Variants in AKR1B15 observed in about 807,000 individuals in gnomAD.
AKR1B15 encodes aldo-keto reductase family 1 member B15.
Under a neutral mutation model 38.5 loss-of-function variants are expected in AKR1B15, and 49 were observed. The observed-to-expected ratio is 1.27, with a 90% CI of 1.01 to 1.62. AKR1B15 has a LOEUF of 1.62. AKR1B15 is among the 40% of genes most tolerant of loss of function. AKR1B15 has a pLI of 0.00. For missense variants in AKR1B15, 411 were observed against 381.6 expected (o/e 1.08, Z -0.64); for synonymous variants, 137 against 135.5 (o/e 1.01, Z -0.08).
intron 5 of AKR1B15, chr7:134,569,898 G>A (rs1232503780): frequency 4.8e-6 from 1 of 209,736 alleles, no homozygotes; most frequent in African/African-American, 2.3e-5. Context: ...GAGCATGTGT[G>A]TTTGAACAAT....
At chr7:134,568,379 CT>C in intron 4 of AKR1B15, 54 bp downstream of exon 4, 1 of 1,601,130 alleles carries the variant, frequency 6.2e-7, no homozygotes, top group East Asian at 2.2e-5. Flanking sequence ...GCAGAAGTAT[CT>C]GGATCGGGTG....
Position 134,575,487 on chromosome 7 carries a change from A to G in AKR1B15, c.581A>G (p.Gln194Arg). The change falls in exon 7 of 12, where the codon CAG becomes CGG. Residue 194 changes from glutamine to arginine, a missense_variant. Physicochemically the swap from Gln to Arg is conservative, Grantham distance 43. Coordinates refer to ENST00000457545, the MANE Select transcript of AKR1B15 (RefSeq NM_001080538.3). ...ALGVSNFNHF[Q>R]IERLLNKPGL... is the part of the protein sequence containing the mutation. ...GGGGTCTCAAATTTCAACCACTTCC[A>G]GATCGAGAGGCTCTTGAACAAACCT... 1 of 1,613,932 alleles carries G rather than the reference A, an allele frequency of 6.2e-7. No individual in the cohort carries two copies. The highest frequency in any genetic ancestry group is 8.5e-7 in the Non-Finnish European group (1 of 1,179,822).
Position 134,577,567 on chromosome 7 carries a change from T to G in AKR1B15, c.910-137T>G, listed in dbSNP as rs2551478. On this transcript the variant is annotated intron_variant, in intron 10 of 11. Transcript: ENST00000457545. ...TAATTTAGAGAAAAATTTGTATCCC[T>G]TGGACAGAATGGGAAAAACTCCTAT... 3.3e-4 allele frequency: 323 copies of G among 975,098 alleles called. 1 individual carries two copies. Among genetic ancestry groups the G allele is most frequent in the African/African-American group, 3.0e-3 (181 of 61,218 alleles). The allele number at this position is 975,098 out of a possible 1,614,324, so 60.4% of individuals were successfully genotyped here. A position where few individuals can be genotyped will look rare whatever the true frequency, so the allele number is the denominator to read the frequency against.
chr7:134,551,697 G>A (rs1793984430), intron 1 of AKR1B15, among the ~76,000 whole-genome samples: 1 of 152,138 alleles, frequency 6.6e-6, no homozygotes, highest in Non-Finnish European at 1.5e-5. Context: ...AGCCAAAAAG[G>A]AAGGGCCCCC....
chr7:134,570,868 T>C (rs541578091), intron 5 of AKR1B15, among the ~76,000 whole-genome samples: 1 of 152,356 alleles, frequency 6.6e-6, no homozygotes, highest in Admixed American at 6.5e-5. Context: ...AGACATGATT[T>C]CTGGCAGCCC....
At chr7:134,573,158 G>A (rs1794699256) in intron 6 of AKR1B15, among the ~76,000 whole-genome samples, 1 of 152,152 alleles carries the variant, frequency 6.6e-6, no homozygotes, top group South Asian at 2.1e-4. Flanking sequence ...GGCCTTCCAA[G>A]TAGCTGGGAC....
intron 2 of AKR1B15, among the ~76,000 whole-genome samples, chr7:134,558,535 A>G (rs1326980598): frequency 6.6e-6 from 1 of 152,096 alleles, no homozygotes; most frequent in African/African-American, 2.4e-5. Context: ...GGAATACCAT[A>G]CTCCTTGGCA....
chr7:134,554,201 A>G (rs935180169), intron 1 of AKR1B15, among the ~76,000 whole-genome samples: 1 of 152,198 alleles, frequency 6.6e-6, no homozygotes, highest in Non-Finnish European at 1.5e-5. Context: ...ATCAAAGAGA[A>G]GACATGGCCA....
chr7:134,568,881 C>A (rs1257291365), intron 4 of AKR1B15, among the ~76,000 whole-genome samples: 11 of 146,366 alleles, frequency 7.5e-5, no homozygotes, highest in Non-Finnish European at 1.2e-4. Flanking sequence ...AAAAACAAAA[C>A]ACTAGTTCTG....
chr7:134,563,044 C>G (rs1794456500), intron 2 of AKR1B15, among the ~76,000 whole-genome samples: 1 of 151,932 alleles, frequency 6.6e-6, no homozygotes, highest in Non-Finnish European at 1.5e-5. Context: ...CTCTCTCCCT[C>G]CCTACTTTCC....
chr7:134,571,730 T>C (rs1486420841), intron 6 of AKR1B15, 49 bp downstream of exon 6: 2 of 1,407,306 alleles, frequency 1.4e-6, no homozygotes, highest in African/African-American at 1.4e-5. Flanking sequence ...TCCTCAGTTA[T>C]CCATGAGATT....
At chr7:134,578,587 G>A (rs1794814632) in intron 11 of AKR1B15, among the ~76,000 whole-genome samples, 1 of 152,208 alleles carries the variant, frequency 6.6e-6, no homozygotes, top group African/African-American at 2.4e-5. Context: ...TGATTAATGT[G>A]TCTAATTACA....
At chr7:134,554,268 G>A (rs1276834900) in intron 1 of AKR1B15, among the ~76,000 whole-genome samples, 1 of 152,094 alleles carries the variant, frequency 6.6e-6, no homozygotes, top group Non-Finnish European at 1.5e-5. Flanking sequence ...TCAGCTCCTG[G>A]TCGTGCCTTT....
chr7:134,564,853 GC>G (rs930338761), intron 3 of AKR1B15, 84 bp downstream of exon 3: 2 of 528,658 alleles, frequency 3.8e-6, no homozygotes, highest in African/African-American at 1.9e-5. Flanking sequence ...GGTGAAGCCA[GC>G]TGGACTTCCT....
intron 6 of AKR1B15, among the ~76,000 whole-genome samples, chr7:134,574,952 G>A (rs1035670030): frequency 1.3e-5 from 2 of 152,192 alleles, no homozygotes; most frequent in Non-Finnish European, 2.9e-5. Context: ...AGGCTTCTCC[G>A]TATGCTGCAG....
At chr7:134,563,290 G>A (rs1794462621) in intron 2 of AKR1B15, among the ~76,000 whole-genome samples, 1 of 152,144 alleles carries the variant, frequency 6.6e-6, no homozygotes, top group Admixed American at 6.5e-5. Context: ...GCAGGATGTG[G>A]CCAGGCACAG....
At chr7:134,563,041 C>T (rs1180586830) in intron 2 of AKR1B15, among the ~76,000 whole-genome samples, 1 of 151,788 alleles carries the variant, frequency 6.6e-6, no homozygotes, top group East Asian at 1.9e-4. Flanking sequence ...TTTCTCTCTC[C>T]CTCCCTACTT....
chr7:134,569,531 T>C lies in AKR1B15; in HGVS notation c.435+2T>C. Reference sequence around the variant, plus strand: ...ATTCACTGGCCACAGGGATTCAAGGTTTGAGTGACTCCCTTTCTCAGCCTC... The same window carrying C: ...ATTCACTGGCCACAGGGATTCAAGGCTTGAGTGACTCCCTTTCTCAGCCTC... On this transcript the variant is annotated splice_donor_variant, in intron 5 of 11. Coordinates refer to ENST00000457545, the MANE Select transcript of AKR1B15 (RefSeq NM_001080538.3). LOFTEE classifies it high-confidence loss of function. 1.2e-6 allele frequency: 2 copies of C among 1,613,930 alleles called. No individual in the cohort carries two copies. The highest frequency in any genetic ancestry group is 1.1e-5 in the South Asian group (1 of 91,040).
intron 5 of AKR1B15, 87 bp downstream of exon 5, chr7:134,569,616 T>A: frequency 7.5e-7 from 1 of 1,341,596 alleles, no homozygotes; most frequent in Non-Finnish European, 1.0e-6. Flanking sequence ...GCTGAAGCCA[T>A]GGCAGAAGAA....
Sources: allele counts gnomAD v4.1 joint callset (sites outside exome capture counted in the v4.1 genomes callset), GRCh38; gene constraint gnomAD v4.1.1; transcripts MANE v1.5; gene names NCBI Gene and HGNC (gene_info 2026-07-23, HGNC 2026-07-21).